Variants in TGM1 observed in about 807,000 individuals in gnomAD.
TGM1 encodes protein-glutamine gamma-glutamyltransferase K.
TGM1 carries 63 observed loss-of-function variants against 88.7 expected under a neutral mutation model. The ratio of observed to expected loss-of-function variants is 0.71; its 90% CI spans 0.58 to 0.88. The LOEUF (loss-of-function observed/expected upper bound fraction) is 0.88. Among genes scored for constraint, TGM1 ranks in the 40% least tolerant of loss-of-function variants. TGM1 has a pLI of 0.00. For synonymous variants in TGM1, 415 were observed against 431.1 expected, an observed-to-expected ratio of 0.96 and a Z score of 0.46; for missense variants, 996 against 1,118.0, an observed-to-expected ratio of 0.89 and a Z score of 1.56.
intron 9 of TGM1, among the ~76,000 whole-genome samples, chr14:24,256,410 C>T (rs1274133841): frequency 6.6e-6 from 1 of 152,254 alleles, no homozygotes; most frequent in Admixed American, 6.5e-5. Context: ...CATACTCTTT[C>T]ATGGCTGGCT....
rs770824119 is a variant in TGM1, at chr14:24,249,510, G to T, written c.2257C>A (p.Arg753Ser). The T allele has an allele frequency of 3.3e-5, 53 of 1,613,932 alleles. 1 individual carries two copies. In the Admixed American group the frequency reaches 8.8e-4, roughly 27 times the overall value. ...GGTCGCACAGGCACAAACGACTGGC[G>T]CAGTGTCACTGTTTCATTGCCTCCA... Reference protein sequence around the residue: ...DIGGNETVTLRQSFVPVRPGP... With the variant: ...DIGGNETVTLSQSFVPVRPGP... The change falls in exon 15 of 15, where the codon CGC becomes AGC. Residue 753 changes from arginine to serine, a missense_variant. Transcript: ENST00000206765.
At chr14:24,257,399 G>A (rs1328734626) in intron 9 of TGM1, among the ~76,000 whole-genome samples, 2 of 152,204 alleles carry the variant, frequency 1.3e-5, no homozygotes, top group Non-Finnish European at 2.9e-5. Context: ...AGAAACACAT[G>A]TATGTGGACA....
chr14:24,256,872 G>C (rs2040755803), intron 9 of TGM1, among the ~76,000 whole-genome samples: 3 of 152,142 alleles, frequency 2.0e-5, no homozygotes, highest in Admixed American at 1.3e-4. Flanking sequence ...CTACACTCCC[G>C]GCATGCTGCT....
At chr14:24,251,940 CTG>C (rs41293838) in intron 14 of TGM1, among the ~76,000 whole-genome samples, 2,883 of 152,322 alleles carry the variant, frequency 0.019, 44 homozygotes, top group Middle Eastern at 0.068. Context: ...GATTCAGACT[CTG>C]AGGGAAATTC....
intron 1 of TGM1, among the ~76,000 whole-genome samples, chr14:24,262,590 C>T (rs900094813): frequency 7.2e-5 from 11 of 152,284 alleles, no homozygotes; most frequent in Admixed American, 1.3e-4. Flanking sequence ...AAACAACATC[C>T]GAAAAACTGC....
At chr14:24,253,105 G>C (rs1341931604) in intron 14 of TGM1, among the ~76,000 whole-genome samples, 2 of 152,208 alleles carry the variant, frequency 1.3e-5, no homozygotes, top group Non-Finnish European at 2.9e-5. Context: ...CAAACAATGA[G>C]TTTGAGAGCC....
rs367998140 is a variant in TGM1, at chr14:24,255,536, A to T, written c.1492-19T>A. On this transcript the variant is annotated intron_variant, in intron 10 of 14. Transcript: ENST00000206765. This position sits in a 1 kb window ranked among gnomAD's most constrained non-coding sequence, Gnocchi z 4.0. ...TATTCACCTGTGGGGGGTGGGGGTG[A>T]GCAGGAATGAGTGAGCCAGAGGGTC... 10 of 1,612,384 alleles carry T rather than the reference A, an allele frequency of 6.2e-6. No homozygotes were observed. The Admixed American group carries it at 1.2e-4, about 19-fold the overall frequency.
In TGM1 at chr14:24,255,450, T is replaced by C. The variant is rs142404759; in HGVS notation, c.1559A>G (p.Glu520Gly). 8.0e-3 allele frequency: 12,883 copies of C among 1,614,004 alleles called. 69 individuals are homozygous for C. Among genetic ancestry groups the C allele is most frequent in the Non-Finnish European group, 9.9e-3 (11,714 of 1,180,006 alleles). ...GACAATGAGTGTGCCGATGGCCTTC[T>C]CCTCCACATAAACAATCTTGAAGCT... ...DGSFKIVYVE[E>G]KAIGTLIVTK... Residue 520 changes from glutamate to glycine, a missense_variant, in exon 11 of 15, where the codon GAG becomes GGG. Transcript: ENST00000206765. This position sits in a 1 kb window ranked among gnomAD's most constrained non-coding sequence, Gnocchi z 4.0.
chr14:24,261,848 TCAG>T lies in TGM1; in HGVS notation c.352_354del (p.Leu118del). ...CGGCGGTTCTGGTCCGAGCGCGAGC[TCAG>T]CAAGTCCACACCGTTCACTACTAGC... On this transcript the variant is annotated inframe_deletion, in exon 3 of 15. Transcript: ENST00000206765. The T allele has an allele frequency of 1.9e-6, 3 of 1,613,738 alleles. No homozygotes were observed. Among genetic ancestry groups the T allele is most frequent in the Non-Finnish European group, 2.5e-6 (3 of 1,180,006 alleles).
intron 14 of TGM1, among the ~76,000 whole-genome samples, chr14:24,251,506 C>T (rs1209003987): frequency 6.6e-6 from 1 of 152,152 alleles, no homozygotes; most frequent in Non-Finnish European, 1.5e-5. Context: ...TTTACCACAC[C>T]TCTTTTGTGA....
chr14:24,256,358 T>A (rs1566377505), intron 9 of TGM1, among the ~76,000 whole-genome samples: 3 of 152,186 alleles, frequency 2.0e-5, no homozygotes, highest in Admixed American at 6.5e-5. Flanking sequence ...GGGGGCAGGG[T>A]ACAGATGTGC....
chr14:24,261,066 C>T (rs977763595), intron 3 of TGM1, among the ~76,000 whole-genome samples: 2 of 152,188 alleles, frequency 1.3e-5, no homozygotes, highest in African/African-American at 4.8e-5. Flanking sequence ...GAAGGCCAAC[C>T]CTGCCTGCTT....
intron 9 of TGM1, among the ~76,000 whole-genome samples, chr14:24,257,076 C>A (rs1566377830): frequency 6.6e-6 from 1 of 152,200 alleles, no homozygotes; most frequent in Non-Finnish European, 1.5e-5. Context: ...TGATGTCCAC[C>A]CCACCACTTC....
In TGM1 at chr14:24,259,209, C is replaced by A. The variant is rs1490454727; in HGVS notation, c.1025G>T (p.Trp342Leu). The stretch of plus-strand genomic sequence containing the variant: ...GGTGCCTCGGGAGTAATCACCAGAC[C>A]AGTTCCCAATCAGGACTCCATTGTC... ...LDDNGVLIGNWSGDYSRGTNP... is the reference protein window; with the variant it reads ...LDDNGVLIGNLSGDYSRGTNP... The change falls in exon 7 of 15, where the codon TGG (tryptophan) becomes TTG (leucine). Residue 342 changes from tryptophan (W) to leucine (L), a missense_variant. Transcript: ENST00000206765. The surrounding 1 kb of genome is among the most constrained non-coding windows in gnomAD (Gnocchi z 5.7). 1.9e-6 allele frequency: 3 copies of A among 1,613,990 alleles called. No individual in the cohort carries two copies. Among genetic ancestry groups the A allele is most frequent in the Non-Finnish European group, 2.5e-6 (3 of 1,179,962 alleles).
rs762272137 is a variant in TGM1 at position 24,259,298 on chromosome 14, A to T, written c.985-49T>A. On this transcript the variant is annotated intron_variant, in intron 6 of 14. Transcript: ENST00000206765. This position sits in a 1 kb window ranked among gnomAD's most constrained non-coding sequence, Gnocchi z 5.7. ...GGCGGAGGTGGAGGAGGGGCTCAGG[A>T]CCTGCCATGTGGTCCATGGGGACCA... 2 of 1,558,044 alleles carry T rather than the reference A, an allele frequency of 1.3e-6. No homozygotes were observed. Among genetic ancestry groups the T allele is most frequent in the Non-Finnish European group, 1.7e-6 (2 of 1,146,152 alleles).
intron 13 of TGM1, 92 bp from the exon 14 acceptor site, chr14:24,254,380 A>G (rs1043407082): frequency 1.3e-6 from 2 of 1,585,724 alleles, no homozygotes; most frequent in African/African-American, 2.7e-5. Flanking sequence ...AGCTGCTTAG[A>G]AGCAAAACCT....
intron 8 of TGM1, 26 bp downstream of exon 8, chr14:24,258,509 C>T: frequency 6.2e-7 from 1 of 1,613,618 alleles, no homozygotes; most frequent in South Asian, 1.1e-5. Context: ...TTCTTCAGCA[C>T]AGATGGGCAG....
In TGM1 at chr14:24,249,300, T is replaced by A. The variant is rs766026902; in HGVS notation, c.*13A>T. The A allele has an allele frequency of 6.2e-7, 1 of 1,610,326 alleles. No homozygotes were observed. Among genetic ancestry groups the A allele is most frequent in the South Asian group, 1.1e-5 (1 of 91,034 alleles). ...GCTCATCTGACTCCAGTCCCATTGC[T>A]CCTGGCACGGGGCTAAGCTCCACCT... On this transcript the variant is annotated 3_prime_UTR_variant, in exon 15 of 15. Transcript: ENST00000206765.
At chr14:24,260,274 G>A (rs2040797077) in intron 4 of TGM1, 176 bp downstream of exon 4, 3 of 1,105,854 alleles carry the variant, frequency 2.7e-6, no homozygotes, top group South Asian at 2.7e-5. Flanking sequence ...GTGGCTGGCT[G>A]TGTGACCCTG....
Sources: allele counts gnomAD v4.1 joint callset (sites outside exome capture counted in the v4.1 genomes callset), GRCh38; gene constraint gnomAD v4.1.1; non-coding constraint Gnocchi (gnomAD v3.1); transcripts MANE v1.5; gene names NCBI Gene and HGNC (gene_info 2026-07-23, HGNC 2026-07-21).